PREX1: variants seen among roughly 807,000 people sequenced by gnomAD.
PREX1 encodes phosphatidylinositol-3,4,5-trisphosphate dependent Rac exchange factor 1.
In PREX1, 41 loss-of-function variants were observed where a neutral mutation model predicts 198.3. The observed-to-expected ratio is 0.21, with a 90% confidence interval of 0.16 to 0.27. The LOEUF is 0.27. Ranked by LOEUF, PREX1 falls within the 10% of genes least tolerant of loss-of-function variation. The pLI is 1.00. For synonymous variants in PREX1, 843 were observed against 887.2 expected (o/e 0.95, Z 0.89); for missense variants, 1,620 against 2,200.7 (o/e 0.74, Z 5.28).
chr20:48,663,649 T>C (rs573027541), intron 15 of PREX1, among the ~76,000 whole-genome samples: 66 of 152,300 alleles, frequency 4.3e-4, no homozygotes, highest in African/African-American at 1.4e-3. Context: ...GAGTTAAGAG[T>C]TAAGCAGCTG....
chr20:48,744,649 G>A (rs1047795237), intron 3 of PREX1, among the ~76,000 whole-genome samples: 1 of 152,180 alleles, frequency 6.6e-6, no homozygotes, highest in Non-Finnish European at 1.5e-5. Flanking sequence ...TGCCTGAGCC[G>A]GGACTCAAAC....
rs200925824 is a variant in PREX1, at chr20:48,645,907, G to A, written c.3456C>T (p.Ala1152=). 8.3e-5 allele frequency: 134 copies of A among 1,613,972 alleles called. No individual in the cohort carries two copies. The highest frequency in any genetic ancestry group is 1.6e-4 in the Middle Eastern group (1 of 6,084). The change falls in exon 26 of 40, where the codon GCC becomes GCT. Residue 1152 remains alanine (A), a synonymous_variant. Coordinates refer to ENST00000371941, the MANE Select transcript of PREX1 (RefSeq NM_020820.4). ...GGCCTGAGTCCTCCTGGTCCTCCTCGGCCACCTTGAAGCACACCTTCTTGA... is the reference window on the plus strand; with the variant it reads ...GGCCTGAGTCCTCCTGGTCCTCCTCAGCCACCTTGAAGCACACCTTCTTGA... The part of the protein sequence containing the change: ...GGIKKVCFKV[A]EEDQEDSGHD...
chr20:48,663,458 C>T (rs1456786444), intron 15 of PREX1, among the ~76,000 whole-genome samples: 7 of 151,002 alleles, frequency 4.6e-5, no homozygotes, highest in African/African-American at 1.7e-4. Flanking sequence ...ACCTGGGAGG[C>T]GGAGGTTGTG....
In PREX1 at chr20:48,664,146, G is replaced by A. The variant is rs563018366; in HGVS notation, c.1738+2137C>T. ...TCCCAGCACTTTGGGAAGCCAAGGC[G>A]GGCAGATCACGAGGTCAGGAGATCA... On this transcript the variant is annotated intron_variant, in intron 15 of 39. Transcript: ENST00000371941. Among the ~76,000 whole-genome samples the A allele has an allele frequency of 3.5e-4, 54 of 152,320 alleles. 2 individuals carry two copies. The South Asian group carries it at 8.9e-3, about 25-fold the overall frequency.
At chr20:48,665,301 C>A (rs1217124550) in intron 15 of PREX1, among the ~76,000 whole-genome samples, 1 of 150,488 alleles carries the variant, frequency 6.6e-6, no homozygotes, top group African/African-American at 2.4e-5. Context: ...TCCAGACGGC[C>A]TGAATTCTAA....
the PREX1 span, among the ~76,000 whole-genome samples, chr20:48,884,483 CCTT>C: frequency 6.6e-6 from 1 of 152,154 alleles, no homozygotes; most frequent in African/African-American, 2.4e-5. Context: ...AGTTTGGACT[CCTT>C]CATCACATCA....
chr20:48,730,436 C>T (rs1180534392), intron 4 of PREX1, among the ~76,000 whole-genome samples: 2 of 151,952 alleles, frequency 1.3e-5, no homozygotes, highest in Non-Finnish European at 2.9e-5. Context: ...CACACACACA[C>T]ACACACACAC....
intron 7 of PREX1, among the ~76,000 whole-genome samples, chr20:48,695,980 G>A (rs1038595862): frequency 2.0e-5 from 3 of 152,204 alleles, no homozygotes; most frequent in African/African-American, 7.2e-5. Context: ...GGCTACAGAA[G>A]GGCCTCTTCA....
At chr20:48,783,584 A>G (rs1425992542) in intron 1 of PREX1, among the ~76,000 whole-genome samples, 3 of 152,152 alleles carry the variant, frequency 2.0e-5, no homozygotes, top group Admixed American at 6.5e-5. Flanking sequence ...TGGCACCCCC[A>G]AACCATCGGA....
intron 15 of PREX1, among the ~76,000 whole-genome samples, chr20:48,662,358 C>A (rs1476240899): frequency 6.6e-6 from 1 of 152,222 alleles, no homozygotes; most frequent in Non-Finnish European, 1.5e-5. Context: ...CTCAGCCAAG[C>A]GAGCTACCAA....
intron 3 of PREX1, among the ~76,000 whole-genome samples, chr20:48,738,456 C>T (rs2090066550): frequency 6.6e-6 from 1 of 152,180 alleles, no homozygotes; most frequent in African/African-American, 2.4e-5. Flanking sequence ...AGCACCGTGC[C>T]CAGTTCAATC....
intron 3 of PREX1, among the ~76,000 whole-genome samples, chr20:48,736,724 GGGAAGA>G (rs1441231679): frequency 6.6e-6 from 1 of 152,328 alleles, no homozygotes. Context: ...GCAGGCTGCA[GGGAAGA>G]GGAAGAGGAA....
At chr20:48,701,046 A>C (rs1440520114) in intron 6 of PREX1, among the ~76,000 whole-genome samples, 160 bp from the exon 7 acceptor site, 1 of 152,156 alleles carries the variant, frequency 6.6e-6, no homozygotes, top group Non-Finnish European at 1.5e-5. Flanking sequence ...AGTGGCTTCT[A>C]TCTGCTGAGC....
intron 27 of PREX1, among the ~76,000 whole-genome samples, chr20:48,642,965 T>G (rs995340226): frequency 6.6e-6 from 1 of 152,210 alleles, no homozygotes; most frequent in African/African-American, 2.4e-5. Context: ...TTAATTGAAG[T>G]ATAATTAAAA....
chr20:48,629,119 T>C (rs1568788339), intron 37 of PREX1, among the ~76,000 whole-genome samples: 1 of 152,086 alleles, frequency 6.6e-6, no homozygotes, highest in Non-Finnish European at 1.5e-5. Flanking sequence ...CAGGGGAGCC[T>C]CCAGTGAGGT....
chr20:48,716,736 C>A (rs550980649), intron 5 of PREX1, among the ~76,000 whole-genome samples: 2 of 152,306 alleles, frequency 1.3e-5, no homozygotes, highest in East Asian at 3.9e-4. Flanking sequence ...GAGTGTGGGA[C>A]CCATGCTGAG....
At chr20:48,759,936 T>C (rs1468991644) in intron 1 of PREX1, among the ~76,000 whole-genome samples, 2 of 151,992 alleles carry the variant, frequency 1.3e-5, no homozygotes, top group Non-Finnish European at 2.9e-5. Context: ...ACCTCATCTC[T>C]ACCAAAAATA....
At chr20:48,769,442 A>T (rs901017558) in intron 1 of PREX1, among the ~76,000 whole-genome samples, 2 of 152,126 alleles carry the variant, frequency 1.3e-5, no homozygotes, top group Non-Finnish European at 2.9e-5. Context: ...GAGCCCCAGC[A>T]CCCACTAGGC....
intron 27 of PREX1, among the ~76,000 whole-genome samples, chr20:48,644,063 T>C (rs1383701358): frequency 6.6e-6 from 1 of 152,212 alleles, no homozygotes; most frequent in Non-Finnish European, 1.5e-5. Flanking sequence ...GGTCACCCTG[T>C]TTAGTTGTCA....
Sources: gnomAD v4.1 joint callset for allele counts (sites outside exome capture counted in the v4.1 genomes callset) on GRCh38, gnomAD v4.1.1 for gene constraint, MANE v1.5 for transcripts, NCBI Gene and HGNC (gene_info 2026-07-23, HGNC 2026-07-21) for gene names.